Variants in OR6J1 observed in about 807,000 individuals in gnomAD.
OR6J1 encodes the protein olfactory receptor family 6 subfamily J member 1.
For synonymous variants in OR6J1, 109 were observed against 70.0 expected (o/e 1.56, Z -2.78); for missense variants, 304 against 166.8 (o/e 1.82, Z -4.53).
chr14:22,643,667 A>G (rs80069632), intron 1 of OR6J1, among the ~76,000 whole-genome samples: 131,537 of 149,592 alleles, frequency 0.88, 57,993 homozygotes, highest in African/African-American at 0.94. Context: ...GTAGCAGGAG[A>G]AAAGGCCACA....
chr14:22,635,269 T>A (rs1413132088), intron 1 of OR6J1, among the ~76,000 whole-genome samples: 1 of 152,200 alleles, frequency 6.6e-6, no homozygotes, highest in African/African-American at 2.4e-5. Context: ...AAATGGGAGA[T>A]GAAATAAACA....
chr14:22,642,936 A>C (rs889255267), intron 1 of OR6J1, among the ~76,000 whole-genome samples: 16 of 150,556 alleles, frequency 1.1e-4, no homozygotes, highest in African/African-American at 3.9e-4. Context: ...CCAAGTAGCT[A>C]GGACTACAGG....
In OR6J1 at chr14:22,643,760, C is replaced by CAGAGAGAGAG. The variant is rs1253631755; in HGVS notation, c.-28+337_-28+338insCTCTCTCTCT. On this transcript the variant is annotated intron_variant, in intron 1 of 1. Transcript: ENST00000540461. ...ACACACACACACACACACACACACACACACAGAGAGAGAGAGAGAGAGAGA... is the reference window on the plus strand; with the variant it reads ...ACACACACACACACACACACACACACAGAGAGAGAGACACAGAGAGAGAGAGAGAGAGAGA... Among the ~76,000 whole-genome samples, 269 of 62,788 alleles carry CAGAGAGAGAG rather than the reference C, an allele frequency of 4.3e-3. 1 individual carries two copies. The highest frequency in any genetic ancestry group is 9.4e-3 in the East Asian group (12 of 1,280). The allele number at this position is 62,788 out of a possible 152,430, so 41.2% of individuals were successfully genotyped here.
rs1555311253 is a variant in OR6J1 at position 22,643,796 on chromosome 14, G to GAA, written c.-28+301_-28+302insTT. Among the ~76,000 whole-genome samples, 842 of 146,964 alleles carry GAA rather than the reference G, an allele frequency of 5.7e-3. 16 individuals carry two copies. Among genetic ancestry groups the GAA allele is most frequent in the African/African-American group, 0.02 (754 of 37,574 alleles). On this transcript the variant is annotated intron_variant, in intron 1 of 1. Transcript: ENST00000540461. Reference sequence around the variant, plus strand: ...AGAGAGAGAGAGAGAGAGAGAGAGAGAGACAGCAGTTACTAAATGTAGATA... The same window carrying GAA: ...AGAGAGAGAGAGAGAGAGAGAGAGAGAAAGACAGCAGTTACTAAATGTAGATA...
At chr14:22,640,419 T>C (rs2037636719) in intron 1 of OR6J1, among the ~76,000 whole-genome samples, 1 of 149,738 alleles carries the variant, frequency 6.7e-6, no homozygotes, top group Non-Finnish European at 1.5e-5. Flanking sequence ...AATCATGATA[T>C]GCTCACAGAG....
intron 1 of OR6J1, among the ~76,000 whole-genome samples, chr14:22,637,676 G>A (rs2037602391): frequency 1.2e-5 from 1 of 80,526 alleles, no homozygotes. Context: ...CCGTCCGGGA[G>A]GGAGGTGGGG....
At chr14:22,641,348 G>A (rs78793841) in intron 1 of OR6J1, among the ~76,000 whole-genome samples, 3,390 of 133,710 alleles carry the variant, frequency 0.025, 254 homozygotes, top group African/African-American at 0.061. Context: ...GAGGGAGGGA[G>A]GGAAGAAAGA....
intron 1 of OR6J1, among the ~76,000 whole-genome samples, chr14:22,639,847 C>T (rs1396824197): frequency 8.5e-6 from 1 of 118,064 alleles, no homozygotes; most frequent in South Asian, 2.5e-4. Context: ...ACAAACACTG[C>T]GGAAGGCCGC....
intron 1 of OR6J1, among the ~76,000 whole-genome samples, chr14:22,638,028 T>TG (rs1204679990): frequency 4.0e-5 from 4 of 99,764 alleles, no homozygotes; most frequent in East Asian, 2.5e-4. Context: ...GGGAGGATGG[T>TG]GGGGGGGTCA....
Position 22,639,625 on chromosome 14 carries a change from T to C in OR6J1, c.-28+4473A>G, listed in dbSNP as rs546161829. ...GGAAGTAGACATGGGAGACTTTTCA[T>C]TTTGTTCTGTACTAAGAAAAATTCC... On this transcript the variant is annotated intron_variant, in intron 1 of 1. Coordinates refer to ENST00000540461, the MANE Select transcript of OR6J1 (RefSeq NM_001348233.2). Among the ~76,000 whole-genome samples, 21 of 127,344 alleles carry C rather than the reference T, an allele frequency of 1.6e-4. 1 individual carries two copies. The East Asian group carries it at 3.8e-3, about 23-fold the overall frequency. The allele number at this position is 127,344 out of a possible 152,430, so 83.5% of individuals were successfully genotyped here. A position where few individuals can be genotyped will look rare whatever the true frequency, so the allele number is the denominator to read the frequency against.
At chr14:22,636,124 G>A (rs1057298032) in intron 1 of OR6J1, among the ~76,000 whole-genome samples, 11 of 151,532 alleles carry the variant, frequency 7.3e-5, no homozygotes, top group African/African-American at 2.4e-4. Context: ...AGAAAGATGG[G>A]CCAAACATGC....
At chr14:22,642,105 G>A (rs1455852948) in intron 1 of OR6J1, among the ~76,000 whole-genome samples, 16 of 151,828 alleles carry the variant, frequency 1.1e-4, no homozygotes, top group Admixed American at 1.0e-3. Flanking sequence ...CTGTCCTCAC[G>A]ACCTGCCCTA....
rs868672725 is a variant in OR6J1 at position 22,638,020 on chromosome 14, G to A, written c.-27-3182C>T. Reference sequence around the variant, plus strand: ...CTGCCTGGCCAGCCGCCCCGTCCGGGAGGATGGTGGGGGGGTCAGCCCCCC... The same window carrying A: ...CTGCCTGGCCAGCCGCCCCGTCCGGAAGGATGGTGGGGGGGTCAGCCCCCC... On this transcript the variant is annotated intron_variant, in intron 1 of 1. Coordinates refer to ENST00000540461, the MANE Select transcript of OR6J1 (RefSeq NM_001348233.2). 9.1e-4 allele frequency among the ~76,000 whole-genome samples: 98 copies of A among 107,412 alleles called. 8 individuals carry two copies. The highest frequency in any genetic ancestry group is 4.9e-3 in the African/African-American group (90 of 18,362). The allele number at this position is 107,412 out of a possible 152,430, so 70.5% of individuals were successfully genotyped here.
In OR6J1 at chr14:22,640,234, GAAGGATGGAAGGAAGGAAGGAAGC is replaced by G. The variant is rs1288578919; in HGVS notation, c.-28+3840_-28+3863del. Among the ~76,000 whole-genome samples the G allele has an allele frequency of 2.1e-3, 237 of 114,042 alleles. 2 individuals carry two copies. The highest frequency in any genetic ancestry group is 7.9e-3 in the Middle Eastern group (2 of 252). 74.8% of individuals were successfully genotyped at this position (114,042 alleles called of 152,430 possible). ...GGAGGGAGGGAGGGAGGGAGGGAAG[GAAGGATGGAAGGAAGGAAGGAAGC>G]AAGGAAGGAAGGAAGGAAGGAAGGA... On this transcript the variant is annotated intron_variant, in intron 1 of 1. Coordinates refer to ENST00000540461, the MANE Select transcript of OR6J1 (RefSeq NM_001348233.2).
intron 1 of OR6J1, among the ~76,000 whole-genome samples, chr14:22,643,248 G>A (rs1205853987): frequency 2.0e-5 from 3 of 151,572 alleles, no homozygotes; most frequent in Admixed American, 1.3e-4. Flanking sequence ...GATTACAGGC[G>A]TGAGCCACCG....
intron 1 of OR6J1, among the ~76,000 whole-genome samples, chr14:22,641,135 G>T (rs1173653789): frequency 6.7e-6 from 1 of 150,332 alleles, no homozygotes; most frequent in Non-Finnish European, 1.5e-5. Flanking sequence ...CTGCACTCCA[G>T]CCTAGGTGAC....
intron 1 of OR6J1, among the ~76,000 whole-genome samples, chr14:22,639,259 A>G (rs1336596725): frequency 2.4e-5 from 3 of 122,940 alleles, no homozygotes; most frequent in African/African-American, 8.3e-5. Context: ...CCGCCAGGCC[A>G]GCCGCCCCGT....
At chr14:22,638,052 C>T (rs1188543756) in intron 1 of OR6J1, among the ~76,000 whole-genome samples, 1 of 108,568 alleles carries the variant, frequency 9.2e-6, no homozygotes, top group Non-Finnish European at 1.8e-5. Flanking sequence ...CCCCGCCTGG[C>T]CAGCCGCCCC....
intron 1 of OR6J1, among the ~76,000 whole-genome samples, chr14:22,642,402 G>A (rs966154409): frequency 1.4e-5 from 2 of 147,892 alleles, no homozygotes; most frequent in Admixed American, 6.8e-5. Context: ...GCAGTGGCAC[G>A]AGCTCAGCTC....
Sources: allele counts gnomAD v4.1 joint callset (sites outside exome capture counted in the v4.1 genomes callset), GRCh38; gene constraint gnomAD v4.1.1; transcripts MANE v1.5; gene names NCBI Gene and HGNC (gene_info 2026-07-23, HGNC 2026-07-21).